ARHGEF6: variants seen among roughly 807,000 people sequenced by gnomAD.
ARHGEF6 encodes the protein Rac/Cdc42 guanine nucleotide exchange factor 6.
In ARHGEF6, 9 loss-of-function variants were observed where a neutral mutation model predicts 70.3. The observed-to-expected ratio is 0.13, with a 90% CI of 0.08 to 0.22. The LOEUF is 0.22. Among genes scored for constraint, ARHGEF6 ranks in the 10% least tolerant of loss-of-function variants. ARHGEF6 has a pLI of 1.00. For missense variants in ARHGEF6, 470 were observed against 563.0 expected (o/e 0.83, Z 1.67); for synonymous variants, 201 against 207.8 (o/e 0.97, Z 0.28).
intron 9 of ARHGEF6, among the ~76,000 whole-genome samples, chrX:136,699,945 C>T (rs1014552247): frequency 5.4e-5 from 6 of 111,075 alleles, no homozygotes; most frequent in African/African-American, 2.0e-4. Context: ...AACTATGTTG[C>T]CAAGTCTTAT....
At position 136,669,624 on chromosome X, in the gene ARHGEF6, T is replaced by C. The variant is rs1461280446; in HGVS notation, c.2136-88A>G. The C allele has an allele frequency of 6.5e-6, 5 of 770,693 alleles. No individual in the cohort carries two copies. In the African/African-American group the frequency reaches 8.3e-5, roughly 13 times the overall value. 63.5% of individuals were successfully genotyped at this position (770,693 alleles called of 1,213,427 possible). On this transcript the variant is annotated intron_variant, in intron 20 of 21. Transcript: ENST00000250617. The stretch of plus-strand genomic sequence containing the variant: ...AACAATAAAAGCCACTTTATAAAAA[T>C]ACAGATCCTGAAAAACAGTGGACTT...
At chrX:136,710,383 A>AT (rs2076673635) in intron 7 of ARHGEF6, among the ~76,000 whole-genome samples, 2 of 103,054 alleles carry the variant, frequency 1.9e-5, no homozygotes, top group African/African-American at 7.0e-5. Flanking sequence ...CCAAGAGAAT[A>AT]TTTTTTTGCT....
At chrX:136,722,783 T>A (rs1047707223) in intron 6 of ARHGEF6, among the ~76,000 whole-genome samples, 11 of 112,353 alleles carry the variant, frequency 9.8e-5, no homozygotes, top group African/African-American at 3.6e-4. Flanking sequence ...AGAATTACCA[T>A]GTGACCCAGC....
At chrX:136,721,789 G>A (rs2076800762) in intron 6 of ARHGEF6, among the ~76,000 whole-genome samples, 1 of 111,138 alleles carries the variant, frequency 9.0e-6, no homozygotes. Context: ...AGTTGGGGGA[G>A]CTGGTTGGGA....
chrX:136,692,605 C>T (rs2076470596), intron 9 of ARHGEF6, among the ~76,000 whole-genome samples: 1 of 112,196 alleles, frequency 8.9e-6, no homozygotes, highest in Non-Finnish European at 1.9e-5. Context: ...CTATTTCATG[C>T]TAAGAATTGT....
intron 6 of ARHGEF6, among the ~76,000 whole-genome samples, chrX:136,719,294 C>G (rs1425778806): frequency 9.0e-6 from 1 of 111,206 alleles, no homozygotes; most frequent in African/African-American, 3.3e-5. Flanking sequence ...CCCACCTTAG[C>G]AAATTTAAAA....
chrX:136,706,866 A>C, intron 9 of ARHGEF6, 42 bp downstream of exon 9: 2 of 1,208,807 alleles, frequency 1.7e-6, no homozygotes, highest in Non-Finnish European at 2.2e-6. Flanking sequence ...GGTCCTAAGA[A>C]AGGATCTCAT....
At chrX:136,710,268 C>T (rs1046852987) in intron 7 of ARHGEF6, among the ~76,000 whole-genome samples, 2 of 105,034 alleles carry the variant, frequency 1.9e-5, no homozygotes, top group Non-Finnish European at 3.9e-5. Flanking sequence ...CTCACCACTG[C>T]ACTCCAGCCT....
At chrX:136,743,807 C>T (rs1410273550) in intron 4 of ARHGEF6, 21 bp from the exon 5 acceptor site, 2 of 1,183,122 alleles carry the variant, frequency 1.7e-6, no homozygotes, top group African/African-American at 3.5e-5. Flanking sequence ...AAAAGCCACA[C>T]CAGATTAAGC....
chrX:136,755,056 A>G (rs1169197432), intron 2 of ARHGEF6, among the ~76,000 whole-genome samples: 2 of 112,438 alleles, frequency 1.8e-5, no homozygotes, highest in Non-Finnish European at 3.8e-5. Flanking sequence ...TGAGTTCTAT[A>G]GTTCAGCCAC....
chrX:136,760,637 T>C (rs1235850986), intron 2 of ARHGEF6, among the ~76,000 whole-genome samples: 2 of 112,208 alleles, frequency 1.8e-5, no homozygotes, highest in Non-Finnish European at 3.8e-5. Context: ...AAACAATGCC[T>C]TTCTTTTTTA....
chrX:136,775,806 T>G (rs2077400089), intron 2 of ARHGEF6, among the ~76,000 whole-genome samples: 1 of 111,182 alleles, frequency 9.0e-6, no homozygotes, highest in African/African-American at 3.3e-5. Flanking sequence ...CCCTAAAGAC[T>G]CATCCAAAAA....
intron 2 of ARHGEF6, among the ~76,000 whole-genome samples, chrX:136,762,125 G>A (rs1025925152): frequency 1.8e-5 from 2 of 111,642 alleles, no homozygotes; most frequent in Non-Finnish European, 3.8e-5. Flanking sequence ...TGTTGGCCAG[G>A]CTGGTCTTGA....
intron 2 of ARHGEF6, among the ~76,000 whole-genome samples, chrX:136,757,873 C>G (rs775765375): frequency 9.0e-6 from 1 of 111,125 alleles, no homozygotes; most frequent in Non-Finnish European, 1.9e-5. Context: ...TTTTCTCTCC[C>G]AGTCTAAAAT....
At chrX:136,673,981 C>T (rs2076253114) in intron 19 of ARHGEF6, among the ~76,000 whole-genome samples, 2 of 111,419 alleles carry the variant, frequency 1.8e-5, no homozygotes, top group Non-Finnish European at 3.8e-5. Context: ...ATTCTCCTGC[C>T]TCAGCCTCCC....
intron 16 of ARHGEF6, among the ~76,000 whole-genome samples, chrX:136,678,538 T>C (rs1427526166): frequency 9.8e-5 from 11 of 111,853 alleles, no homozygotes; most frequent in Non-Finnish European, 2.1e-4. Context: ...GTTTGTCCTA[T>C]CATGTCAAGT....
rs906206786 is a variant in ARHGEF6, at chrX:136,680,885, C to A, written c.1559-9G>T. On this transcript the variant is annotated splice_polypyrimidine_tract_variant and intron_variant, in intron 14 of 21. Coordinates refer to ENST00000250617, the MANE Select transcript of ARHGEF6 (RefSeq NM_004840.3). ...TCTCTCCACTGTGTTACCTACATCCCCCAATTATGATCAGTTTGAAAACAA... is the reference window on the plus strand; with the variant it reads ...TCTCTCCACTGTGTTACCTACATCCACCAATTATGATCAGTTTGAAAACAA... The A allele has an allele frequency of 2.5e-6, 3 of 1,209,702 alleles. No individual in the cohort carries two copies. Among genetic ancestry groups the A allele is most frequent in the Admixed American group, 2.2e-5 (1 of 45,805 alleles).
chrX:136,776,888 T>C (rs1202257312), intron 2 of ARHGEF6, among the ~76,000 whole-genome samples: 2 of 106,501 alleles, frequency 1.9e-5, no homozygotes, highest in Non-Finnish European at 3.9e-5. Flanking sequence ...GATAAATAAA[T>C]AAATAAATAA....
intron 2 of ARHGEF6, among the ~76,000 whole-genome samples, chrX:136,753,009 G>C (rs145195152): frequency 8.9e-6 from 1 of 111,810 alleles, no homozygotes; most frequent in East Asian, 2.8e-4. Flanking sequence ...TACCGCTCCT[G>C]GCCCTGTGAA....
Sources: allele counts gnomAD v4.1 joint callset (sites outside exome capture counted in the v4.1 genomes callset), GRCh38; gene constraint gnomAD v4.1.1; transcripts MANE v1.5; gene names NCBI Gene and HGNC (gene_info 2026-07-23, HGNC 2026-07-21).